The following CFAP96 variants were observed in gnomAD, a reference collection of about 807,000 sequenced individuals.
CFAP96 encodes the protein cilia-and flagella-associated protein 96.
At chr4:185,436,305 T>C in the CFAP96 span, 52 of 1,551,138 alleles carry the variant, frequency 3.4e-5, no homozygotes, top group Middle Eastern at 1.7e-4. Flanking sequence ...TTACCATAGG[T>C]AAACAGTTTT....
the CFAP96 span, among the ~76,000 whole-genome samples, chr4:185,447,258 T>C: frequency 6.6e-6 from 1 of 152,010 alleles, no homozygotes; most frequent in Non-Finnish European, 1.5e-5. Context: ...CTCGGCTCAC[T>C]GCAAGCTCCA....
chr4:185,421,808 C>A, the CFAP96 span, among the ~76,000 whole-genome samples: 3 of 152,216 alleles, frequency 2.0e-5, no homozygotes, highest in Non-Finnish European at 2.9e-5. Context: ...TGAGTGATTT[C>A]ATTTATAATG....
chr4:185,418,295 A>G, the CFAP96 span: 427,832 of 585,392 alleles, frequency 0.73, 161,624 homozygotes, highest in East Asian at 0.9. Flanking sequence ...AGACAAACAT[A>G]TAACTTTTGG....
the CFAP96 span, among the ~76,000 whole-genome samples, chr4:185,416,621 TAGTATAAA>T: frequency 2.5e-4 from 38 of 152,236 alleles, no homozygotes; most frequent in African/African-American, 8.9e-4. Flanking sequence ...TGTGTGTGGA[TAGTATAAA>T]AGTATAAAAG....
the CFAP96 span, among the ~76,000 whole-genome samples, chr4:185,424,736 G>A: frequency 6.6e-6 from 1 of 152,166 alleles, no homozygotes; most frequent in Non-Finnish European, 1.5e-5. Flanking sequence ...ATAAAAGTTA[G>A]ACAGGAAAGA....
chr4:185,436,532 A>C, the CFAP96 span, among the ~76,000 whole-genome samples: 2 of 151,986 alleles, frequency 1.3e-5, no homozygotes. Context: ...CAACATGGTG[A>C]AACCCCATCT....
chr4:185,445,037 C>G, the CFAP96 span: 5 of 1,551,464 alleles, frequency 3.2e-6, no homozygotes, highest in Non-Finnish European at 4.4e-6. Context: ...GCTAAATTGG[C>G]AAATATTTCT....
chr4:185,418,358 T>G, the CFAP96 span: 12 of 1,083,690 alleles, frequency 1.1e-5, no homozygotes, highest in South Asian at 1.4e-4. Flanking sequence ...ATAAGAGGGT[T>G]AAATTATTTC....
At chr4:185,409,965 A>G in the CFAP96 span, among the ~76,000 whole-genome samples, 1 of 152,190 alleles carries the variant, frequency 6.6e-6, no homozygotes, top group East Asian at 1.9e-4. Context: ...TGACATTGTG[A>G]TGTCAGCCCA....
At chr4:185,417,694 C>T in the CFAP96 span, among the ~76,000 whole-genome samples, 1 of 152,136 alleles carries the variant, frequency 6.6e-6, no homozygotes, top group Non-Finnish European at 1.5e-5. Flanking sequence ...TTTCTATCTT[C>T]AATATCTGTT....
At chr4:185,415,773 T>C in the CFAP96 span, 1 of 1,613,808 alleles carries the variant, frequency 6.2e-7, no homozygotes, top group Non-Finnish European at 8.5e-7. Context: ...CATATTAACA[T>C]AATGGTGTCC....
the CFAP96 span, among the ~76,000 whole-genome samples, chr4:185,448,220 C>T: frequency 2.0e-5 from 3 of 152,020 alleles, no homozygotes; most frequent in East Asian, 1.9e-4. Context: ...GGGGTTTTGC[C>T]GTGTTGGTCA....
the CFAP96 span, among the ~76,000 whole-genome samples, chr4:185,420,284 G>GAA: frequency 6.6e-6 from 1 of 151,886 alleles, no homozygotes; most frequent in Non-Finnish European, 1.5e-5. Context: ...AAATATGTTT[G>GAA]AATATTCAAA....
the CFAP96 span, chr4:185,444,928 C>A: frequency 6.5e-7 from 1 of 1,530,506 alleles, no homozygotes; most frequent in Non-Finnish European, 8.8e-7. Flanking sequence ...AGGCATTTTA[C>A]AAAATCACAT....
chr4:185,428,400 C>G, the CFAP96 span, among the ~76,000 whole-genome samples: 1 of 151,820 alleles, frequency 6.6e-6, no homozygotes, highest in South Asian at 2.1e-4. Context: ...ATAGTTAAAC[C>G]CTGTCTCTAC....
At chr4:185,439,952 A>G in the CFAP96 span, among the ~76,000 whole-genome samples, 1 of 145,372 alleles carries the variant, frequency 6.9e-6, no homozygotes, top group African/African-American at 2.5e-5. Context: ...TATCATATAT[A>G]TGATATATAC....
chr4:185,420,562 T>C, the CFAP96 span, among the ~76,000 whole-genome samples: 4 of 152,182 alleles, frequency 2.6e-5, no homozygotes, highest in East Asian at 3.8e-4. Context: ...TTTGGAGCTA[T>C]TGTAGAGATT....
chr4:185,422,326 G>C, the CFAP96 span, among the ~76,000 whole-genome samples: 1 of 152,314 alleles, frequency 6.6e-6, no homozygotes, highest in East Asian at 1.9e-4. Flanking sequence ...GGGTGTGCTG[G>C]AACACAGTGT....
At chr4:185,421,792 T>TTTTCATGAGTGA in the CFAP96 span, among the ~76,000 whole-genome samples, 1 of 152,244 alleles carries the variant, frequency 6.6e-6, no homozygotes, top group African/African-American at 2.4e-5. Flanking sequence ...CTACTCGTAC[T>TTTTCATGAGTGA]TTTCATGAGT....
Sources: gnomAD v4.1 joint callset for allele counts (sites outside exome capture counted in the v4.1 genomes callset) on GRCh38, gnomAD v4.1.1 for gene constraint, MANE v1.5 for transcripts, NCBI Gene and HGNC (gene_info 2026-07-23, HGNC 2026-07-21) for gene names.